The following LRP1B variants were observed in gnomAD, a reference collection of about 807,000 sequenced individuals.
LRP1B encodes LDL receptor related protein 1B, also known as low-density lipoprotein receptor-related protein 1B.
A neutral mutation model predicts 556.6 loss-of-function variants in LRP1B; 217 were observed. That is an observed-to-expected ratio of 0.39 (90% CI 0.35 to 0.44). LRP1B has a LOEUF of 0.44. Among genes scored for constraint, LRP1B ranks in the 20% least tolerant of loss-of-function variants. The probability of loss-of-function intolerance (pLI) is 1.00; values close to 1 mark genes in which losing one functional copy is unlikely to be tolerated. For synonymous variants in LRP1B, 2,047 were observed against 1,865.8 expected (o/e 1.10, Z -2.50); for missense variants, 5,053 against 5,620.8 (o/e 0.90, Z 3.23).
intron 32 of LRP1B, among the ~76,000 whole-genome samples, chr2:140,806,419 C>A (rs184865601): frequency 4.4e-4 from 67 of 152,048 alleles, no homozygotes; most frequent in African/African-American, 1.6e-3. Context: ...AACAACACAA[C>A]AACAAAAAGC....
chr2:141,248,828 G>T (rs1042733981), intron 4 of LRP1B, among the ~76,000 whole-genome samples: 3 of 152,124 alleles, frequency 2.0e-5, no homozygotes, highest in Non-Finnish European at 4.4e-5. Flanking sequence ...TAGAAAATTA[G>T]ATATGTGCTA....
intron 4 of LRP1B, among the ~76,000 whole-genome samples, chr2:141,247,867 T>C (rs1397428799): frequency 6.6e-6 from 1 of 152,184 alleles, no homozygotes; most frequent in Non-Finnish European, 1.5e-5. Context: ...TTTTAATATC[T>C]GTAGTCCTCT....
chr2:140,962,246 T>G (rs1696059151), intron 18 of LRP1B, among the ~76,000 whole-genome samples: 1 of 152,054 alleles, frequency 6.6e-6, no homozygotes, highest in Non-Finnish European at 1.5e-5. Context: ...TATAAGCACA[T>G]CATGTAGAAT....
At chr2:141,098,627 A>G (rs1472164089) in intron 7 of LRP1B, among the ~76,000 whole-genome samples, 2 of 152,128 alleles carry the variant, frequency 1.3e-5, no homozygotes, top group African/African-American at 2.4e-5. Context: ...AAAAATTCAT[A>G]TATTTAGTAT....
At position 142,060,582 on chromosome 2, in the gene LRP1B, A is replaced by G. The variant is rs547190309; in HGVS notation, c.82+70066T>C. Among the ~76,000 whole-genome samples the G allele has an allele frequency of 1.8e-4, 27 of 152,168 alleles. No individual in the cohort carries two copies. In the East Asian group the frequency reaches 4.5e-3, roughly 25 times the overall value. ...GCTTATTTTCATTGTTTAACACAGG[A>G]AAAATGGCAACATCGTTGTCTTATA... On this transcript the variant is annotated intron_variant, in intron 1 of 90. Coordinates refer to ENST00000389484, the MANE Select transcript of LRP1B (RefSeq NM_018557.3).
At chr2:142,122,865 T>C (rs1182965455) in intron 1 of LRP1B, among the ~76,000 whole-genome samples, 3 of 152,096 alleles carry the variant, frequency 2.0e-5, no homozygotes, top group Non-Finnish European at 2.9e-5. Context: ...CCAATAAAAA[T>C]ATACCATTAA....
chr2:140,853,062 T>A (rs1320657567), intron 27 of LRP1B, among the ~76,000 whole-genome samples: 2 of 152,040 alleles, frequency 1.3e-5, no homozygotes, highest in East Asian at 1.9e-4. Context: ...ATGCCCAATA[T>A]GCCACCTTTG....
intron 32 of LRP1B, among the ~76,000 whole-genome samples, chr2:140,807,781 A>T (rs905092386): frequency 3.9e-5 from 6 of 152,214 alleles, no homozygotes; most frequent in African/African-American, 1.4e-4. Flanking sequence ...TAGAAAGCAG[A>T]AACTTTTGTA....
chr2:140,541,802 G>A lies in LRP1B; in HGVS notation c.7364C>T (p.Ala2455Val), dbSNP rs2105019966. Residue 2455 changes from alanine (A) to valine (V), a missense_variant, in exon 44 of 91, where the codon GCT becomes GTT. Around this residue, in one of 5 missense-constraint regions of LRP1B, gnomAD observed 3,619 missense variants for 3,931.9 expected, o/e 0.92. Transcript: ENST00000389484. ...ACAGCTATTGGTGTCATTGGCAACA[G>A]CTATGATTCCCATTGGCTGATGTGG... ...DIPHQPMGII[A>V]VANDTNSCEL... is the part of the protein sequence containing the mutation. 2 of 1,611,682 alleles carry A rather than the reference G, an allele frequency of 1.2e-6. No homozygotes were observed. Among genetic ancestry groups the A allele is most frequent in the African/African-American group, 1.3e-5 (1 of 74,962 alleles).
intron 3 of LRP1B, among the ~76,000 whole-genome samples, chr2:141,333,243 C>T (rs1357026): frequency 0.44 from 66,201 of 151,838 alleles, 16,054 homozygotes; most frequent in Non-Finnish European, 0.56. Flanking sequence ...AGGGGATAAA[C>T]GCCATGGCAC....
Position 142,096,439 on chromosome 2 carries a change from A to ATTT in LRP1B, c.82+34206_82+34208dup, listed in dbSNP as rs10631216. On this transcript the variant is annotated intron_variant, in intron 1 of 90. Transcript: ENST00000389484. ...TCACATGACCACGAAAATAAATTGT[A>ATTT]TTTTTTTTTTTTTACAAATTCTATT... 5.6e-4 allele frequency among the ~76,000 whole-genome samples: 82 copies of ATTT among 146,900 alleles called. 1 individual carries two copies. The highest frequency in any genetic ancestry group is 5.3e-3 in the South Asian group (25 of 4,684).
chr2:140,879,196 C>G (rs1207372881), intron 25 of LRP1B, among the ~76,000 whole-genome samples: 2 of 152,024 alleles, frequency 1.3e-5, no homozygotes, highest in Non-Finnish European at 2.9e-5. Flanking sequence ...TGGTGTCTAC[C>G]TTGTAACTTT....
At chr2:141,285,178 C>A (rs1419426916) in intron 3 of LRP1B, among the ~76,000 whole-genome samples, 2 of 149,880 alleles carry the variant, frequency 1.3e-5, no homozygotes, top group Non-Finnish European at 3.0e-5. Context: ...GCTCACTGCA[C>A]CCTCCGCCTC....
At chr2:141,132,695 A>G (rs530240602) in intron 7 of LRP1B, among the ~76,000 whole-genome samples, 1 of 152,118 alleles carries the variant, frequency 6.6e-6, no homozygotes, top group African/African-American at 2.4e-5. Flanking sequence ...TAGTATTTAC[A>G]TAGGGAGAAT....
At chr2:140,749,441 AT>A (rs1213227449) in intron 35 of LRP1B, among the ~76,000 whole-genome samples, 3 of 151,842 alleles carry the variant, frequency 2.0e-5, no homozygotes, top group African/African-American at 7.3e-5. Flanking sequence ...GCTGTAAAAA[AT>A]TTTTTTTCTT....
chr2:141,227,361 A>G (rs566340831), intron 6 of LRP1B, among the ~76,000 whole-genome samples: 3 of 152,316 alleles, frequency 2.0e-5, no homozygotes, highest in African/African-American at 7.2e-5. Flanking sequence ...AGTTGAGGTA[A>G]TCACTAATGT....
intron 86 of LRP1B, among the ~76,000 whole-genome samples, chr2:140,261,368 G>C (rs1681928705): frequency 6.6e-6 from 1 of 151,702 alleles, no homozygotes. Context: ...CACACAGAGG[G>C]GATGTAACTT....
rs550018179 is a variant in LRP1B, at chr2:141,670,373, C to A, written c.205+139906G>T. Among the ~76,000 whole-genome samples the A allele has an allele frequency of 1.0e-3, 158 of 152,222 alleles. 2 individuals carry two copies. Among genetic ancestry groups the A allele is most frequent in the Non-Finnish European group, 1.4e-3 (94 of 68,002 alleles). On this transcript the variant is annotated intron_variant, in intron 2 of 90. Coordinates refer to ENST00000389484, the MANE Select transcript of LRP1B (RefSeq NM_018557.3). ...ACATATTAACTGTGTATAAAAATAACACTTTATTTTTAAAAATGTATAAAC... is the reference window on the plus strand; with the variant it reads ...ACATATTAACTGTGTATAAAAATAAAACTTTATTTTTAAAAATGTATAAAC...
chr2:140,537,910 T>C (rs1013452929), intron 45 of LRP1B, among the ~76,000 whole-genome samples: 20 of 152,084 alleles, frequency 1.3e-4, no homozygotes, highest in African/African-American at 4.8e-4. Context: ...TACTAGCAAA[T>C]TTTGGGATCC....
Sources: gnomAD v4.1 joint callset for allele counts (sites outside exome capture counted in the v4.1 genomes callset) on GRCh38, gnomAD v4.1.1 for gene constraint, gnomAD v4.1.1 regional missense constraint, MANE v1.5 for transcripts, NCBI Gene and HGNC (gene_info 2026-07-23, HGNC 2026-07-21) for gene names.